Variants in FOXN3 observed in about 807,000 individuals in gnomAD.
The protein encoded by FOXN3 is forkhead box protein N3.
FOXN3 carries 7 observed loss-of-function variants against 38.4 expected under a neutral mutation model. The observed-to-expected ratio is 0.18, with a 90% CI of 0.10 to 0.34. The LOEUF (loss-of-function observed/expected upper bound fraction) is 0.34. Ranked by LOEUF, FOXN3 falls within the 10% of genes least tolerant of loss-of-function variation. The pLI is 1.00. For missense variants in FOXN3, 456 were observed against 613.4 expected, an observed-to-expected ratio of 0.74 and a Z score of 2.71; for synonymous variants, 230 against 242.2, an observed-to-expected ratio of 0.95 and a Z score of 0.47.
At chr14:89,204,734 C>T (rs1888332770) in intron 4 of FOXN3, among the ~76,000 whole-genome samples, 1 of 152,144 alleles carries the variant, frequency 6.6e-6, no homozygotes, top group South Asian at 2.1e-4. Context: ...AATATAACTG[C>T]CATTGCTTTT....
chr14:89,212,290 T>G (rs1884120165), intron 4 of FOXN3, among the ~76,000 whole-genome samples: 1 of 152,356 alleles, frequency 6.6e-6, no homozygotes, highest in African/African-American at 2.4e-5. Flanking sequence ...GGGGGCACTG[T>G]GGATTGCTCC....
rs139835627 is a variant in FOXN3 at position 89,609,211 on chromosome 14, T to C, written c.-15+9817A>G. On this transcript the variant is annotated intron_variant, in intron 1 of 6. Coordinates refer to the FOXN3 transcript ENST00000345097. ...ACTGGGCAATGAGAAGCCATCAAGA[T>C]TCTTTTTCGAGACAGGGTCTCGCTC... 5.0e-3 allele frequency among the ~76,000 whole-genome samples: 756 copies of C among 152,218 alleles called. 7 individuals are homozygous for C. The highest frequency in any genetic ancestry group is 0.018 in the African/African-American group (728 of 41,538).
At chr14:89,451,705 G>C (rs746101680) in intron 1 of FOXN3, among the ~76,000 whole-genome samples, 1 of 152,122 alleles carries the variant, frequency 6.6e-6, no homozygotes, top group Non-Finnish European at 1.5e-5. Context: ...TAACACCTCA[G>C]ATTCACTTTT....
rs566312671 is a variant in FOXN3, at chr14:89,191,948, G to GTATA, written c.746-11146_746-11143dup. Among the ~76,000 whole-genome samples the GTATA allele has an allele frequency of 3.1e-3, 371 of 117,948 alleles. 26 individuals carry two copies. The highest frequency in any genetic ancestry group is 0.017 in the African/African-American group (356 of 21,480). The allele number at this position is 117,948 out of a possible 152,430, so 77.4% of individuals were successfully genotyped here. On this transcript the variant is annotated intron_variant, in intron 4 of 5. Coordinates refer to ENST00000557258, the MANE Select transcript of FOXN3 (RefSeq NM_005197.4). ...CAGTCACCATTTCCCACTGATATTA[G>GTATA]TATATATATATATACACATATATAT...
intron 4 of FOXN3, among the ~76,000 whole-genome samples, chr14:89,218,066 G>A (rs555316741): frequency 1.2e-3 from 177 of 152,272 alleles, no homozygotes; most frequent in African/African-American, 3.9e-3. Flanking sequence ...AGCAAAACCC[G>A]GTTTCACTCA....
At chr14:89,234,789 C>T (rs1884932066) in intron 4 of FOXN3, among the ~76,000 whole-genome samples, 2 of 151,968 alleles carry the variant, frequency 1.3e-5, no homozygotes, top group Non-Finnish European at 2.9e-5. Flanking sequence ...TCTCCCCAGT[C>T]GAGCCCTACA....
At chr14:89,609,524 T>G (rs1188091252) in intron 1 of FOXN3, among the ~76,000 whole-genome samples, 6 of 152,328 alleles carry the variant, frequency 3.9e-5, no homozygotes, top group Non-Finnish European at 4.4e-5. Context: ...CCGTGCCAAG[T>G]GCTTTTCAGG....
chr14:89,405,368 C>T (rs2140091618), intron 2 of FOXN3, among the ~76,000 whole-genome samples: 2 of 152,192 alleles, frequency 1.3e-5, no homozygotes, highest in South Asian at 4.2e-4. Context: ...AACTCCTGGC[C>T]TCAAATGATG....
intron 1 of FOXN3, among the ~76,000 whole-genome samples, chr14:89,593,974 C>G (rs1267165732): frequency 6.6e-6 from 1 of 151,862 alleles, no homozygotes; most frequent in African/African-American, 2.4e-5. Context: ...ATGGTGAGGA[C>G]TTCTTTCACA....
At chr14:89,276,577 C>G (rs1217383321) in intron 4 of FOXN3, among the ~76,000 whole-genome samples, 1 of 152,160 alleles carries the variant, frequency 6.6e-6, no homozygotes, top group Non-Finnish European at 1.5e-5. Context: ...GACTCGTGGT[C>G]TGACCACAGA....
At chr14:89,467,800 C>CTTTCTTTTTTTTTTTTTTTTTTTTTT (rs1383456566) in intron 1 of FOXN3, among the ~76,000 whole-genome samples, 1 of 57,900 alleles carries the variant, frequency 1.7e-5, no homozygotes, top group African/African-American at 5.3e-5. Context: ...TCTTTTCTTT[C>CTTTCTTTTTTTTTTTTTTTTTTTTTT]TTTGTTTTTT....
chr14:89,331,222 G>T (rs1888237449), intron 3 of FOXN3, among the ~76,000 whole-genome samples: 1 of 152,072 alleles, frequency 6.6e-6, no homozygotes, highest in South Asian at 2.1e-4. Context: ...CTTCCCCCAG[G>T]CCCTGGTAAC....
intron 3 of FOXN3, among the ~76,000 whole-genome samples, chr14:89,329,924 G>A (rs796202559): frequency 1.3e-4 from 20 of 148,258 alleles, no homozygotes; most frequent in African/African-American, 4.2e-4. Context: ...GTACCAAGGC[G>A]GAAAAACCCT....
chr14:89,237,614 C>A lies in FOXN3; in HGVS notation c.745+43336G>T, dbSNP rs1441619090. On this transcript the variant is annotated intron_variant, in intron 4 of 5. Transcript: ENST00000557258. ...AGAAACTGCATAATGGGTACACAGG[C>A]TCTGCCTGTATCATTTCTTACATGT... Among the ~76,000 whole-genome samples, 4 of 152,178 alleles carry A rather than the reference C, an allele frequency of 2.6e-5. No homozygotes were observed. The South Asian group carries it at 8.3e-4, about 31-fold the overall frequency.
At chr14:89,353,051 T>G (rs1377679096) in intron 2 of FOXN3, among the ~76,000 whole-genome samples, 3 of 152,124 alleles carry the variant, frequency 2.0e-5, no homozygotes, top group Admixed American at 6.5e-5. Context: ...CCCAGGACTG[T>G]GCAGGACATT....
chr14:89,454,737 T>C (rs2139717498), intron 1 of FOXN3, among the ~76,000 whole-genome samples: 1 of 152,356 alleles, frequency 6.6e-6, no homozygotes, highest in Admixed American at 6.5e-5. Context: ...GTTTAAAGTC[T>C]CCATGATAAG....
chr14:89,359,931 G>A (rs1018712805), intron 2 of FOXN3, among the ~76,000 whole-genome samples: 4 of 152,150 alleles, frequency 2.6e-5, no homozygotes, highest in Admixed American at 6.5e-5. Context: ...GAACTGGAGC[G>A]GATATGGTCC....
chr14:89,449,119 T>C (rs776834063), intron 1 of FOXN3, among the ~76,000 whole-genome samples: 5 of 152,212 alleles, frequency 3.3e-5, no homozygotes, highest in Admixed American at 1.3e-4. Flanking sequence ...CAAAAATCTT[T>C]CATGTGTTCT....
intron 1 of FOXN3, among the ~76,000 whole-genome samples, chr14:89,535,516 T>TC (rs1894666903): frequency 6.6e-6 from 1 of 152,248 alleles, no homozygotes; most frequent in South Asian, 2.1e-4. Context: ...AGCCTTTTTT[T>TC]CACCCAGCAG....
Sources: allele counts gnomAD v4.1 joint callset (sites outside exome capture counted in the v4.1 genomes callset), GRCh38; gene constraint gnomAD v4.1.1; transcripts MANE v1.5; gene names NCBI Gene and HGNC (gene_info 2026-07-23, HGNC 2026-07-21).